ONECUT2: variants seen among roughly 807,000 people sequenced by gnomAD.
ONECUT2 encodes the protein one cut homeobox 2, also known as one cut domain family member 2.
ONECUT2 carries 10 observed loss-of-function variants against 27.9 expected under a neutral mutation model. That is an observed-to-expected ratio of 0.36 (90% CI 0.22 to 0.61). The LOEUF (loss-of-function observed/expected upper bound fraction) is 0.61. Ranked by LOEUF, ONECUT2 falls within the 20% of genes least tolerant of loss-of-function variation. ONECUT2 has a pLI of 0.73. For synonymous variants in ONECUT2, 334 were observed against 315.1 expected (o/e 1.06, Z -0.64); for missense variants, 686 against 721.0 (o/e 0.95, Z 0.56).
intron 1 of ONECUT2, among the ~76,000 whole-genome samples, chr18:57,452,401 G>A (rs1208449805): frequency 2.0e-5 from 3 of 148,026 alleles, no homozygotes; most frequent in African/African-American, 7.9e-5. Flanking sequence ...ATTGCTTGTA[G>A]CTCAACCTGT....
Position 57,478,670 on chromosome 18 carries a change from A to C in ONECUT2, c.*1947A>C, listed in dbSNP as rs2050399235. On this transcript the variant is annotated 3_prime_UTR_variant, in exon 2 of 2. Coordinates refer to ENST00000491143, the MANE Select transcript of ONECUT2 (RefSeq NM_004852.3). ...ATTTGACAACTCACACGGTAATCTT[A>C]AAGCTGAAGATTGTCTTTAATTTGT... is the stretch of plus-strand genomic sequence containing the variant. The C allele has an allele frequency of 6.6e-6, 1 of 152,652 alleles. No individual in the cohort carries two copies. Among genetic ancestry groups the C allele is most frequent in the Non-Finnish European group, 1.5e-5 (1 of 68,038 alleles). 9.5% of individuals were successfully genotyped at this position (152,652 alleles called of 1,614,324 possible). A position where few individuals can be genotyped will look rare whatever the true frequency, so the allele number is the denominator to read the frequency against.
At chr18:57,437,395 C>G (rs1451985704) in intron 1 of ONECUT2, among the ~76,000 whole-genome samples, 1 of 152,238 alleles carries the variant, frequency 6.6e-6, no homozygotes, top group South Asian at 2.1e-4. Context: ...TTTCAATTTT[C>G]CGGGCTGACT....
At chr18:57,469,563 T>C (rs1393343271) in intron 1 of ONECUT2, among the ~76,000 whole-genome samples, 1 of 152,224 alleles carries the variant, frequency 6.6e-6, no homozygotes, top group Non-Finnish European at 1.5e-5. Context: ...CTCTGACACG[T>C]ATGTAAAAAC....
At chr18:57,471,260 G>A (rs566385506) in intron 1 of ONECUT2, among the ~76,000 whole-genome samples, 2 of 152,304 alleles carry the variant, frequency 1.3e-5, no homozygotes, top group African/African-American at 2.4e-5. Context: ...CGGTTAGTCT[G>A]GGTGTCAGAG....
Position 57,476,620 on chromosome 18 carries a change from G to A in ONECUT2, c.1412G>A (p.Ser471Asn), listed in dbSNP as rs1419400673. ...QQLGLELTTV[S>N]NFFMNARRRS... ...CTGGGCCTGGAGCTCACAACCGTCA[G>A]CAACTTCTTCATGAACGCCCGGCGC... The change falls in exon 2 of 2, where the codon AGC becomes AAC. Residue 471 changes from serine (S) to asparagine (N), a missense_variant. Physicochemically the swap from Ser to Asn is conservative, Grantham distance 46 (BLOSUM62 1). This residue lies in a region of ONECUT2 where 77 missense variants were observed against 105.5 expected (regional missense o/e 0.73). Transcript: ENST00000491143. The A allele has an allele frequency of 6.2e-7, 1 of 1,614,200 alleles. No individual in the cohort carries two copies. Among genetic ancestry groups the A allele is most frequent in the African/African-American group, 1.3e-5 (1 of 75,046 alleles).
rs890939590 is a variant in ONECUT2, at chr18:57,481,560, G to A, written c.*4837G>A. On this transcript the variant is annotated 3_prime_UTR_variant, in exon 2 of 2. Transcript: ENST00000491143. ...CTACTAGTGCCAGTAAATTCAAGTT[G>A]AACAGATTTTTAAAATCACTATTAT... is the stretch of plus-strand genomic sequence containing the variant. 1 of 152,074 alleles carries A rather than the reference G, an allele frequency of 6.6e-6. No individual in the cohort carries two copies. Among genetic ancestry groups the A allele is most frequent in the Non-Finnish European group, 1.5e-5 (1 of 68,018 alleles). 9.4% of individuals were successfully genotyped at this position (152,074 alleles called of 1,614,324 possible).
chr18:57,441,493 C>A (rs1266563189), intron 1 of ONECUT2, among the ~76,000 whole-genome samples: 3 of 152,240 alleles, frequency 2.0e-5, no homozygotes, highest in Non-Finnish European at 4.4e-5. Context: ...TCGCGGGGCT[C>A]TCTGCCCTCT....
intron 1 of ONECUT2, among the ~76,000 whole-genome samples, chr18:57,450,761 C>G (rs2144311174): frequency 6.6e-6 from 1 of 152,278 alleles, no homozygotes; most frequent in African/African-American, 2.4e-5. Context: ...TGCATCTAAA[C>G]AGCCATTACT....
At position 57,476,535 on chromosome 18, in the gene ONECUT2, G is replaced by A. The variant is rs766920985; in HGVS notation, c.1327G>A (p.Ala443Thr). The change falls in exon 2 of 2, where the codon GCC (alanine) becomes ACC (threonine). Residue 443 changes from alanine (A) to threonine (T), a missense_variant. By Grantham distance (58) the Ala-to-Thr change is moderately conservative (BLOSUM62 0). This residue lies in a region of ONECUT2 where 77 missense variants were observed against 105.5 expected (regional missense o/e 0.73). Transcript: ENST00000491143. The stretch of plus-strand genomic sequence containing the variant: ...TGACCTCCAACGCCGAACACTCTTC[G>A]CCATCTTCAAGGAGAACAAACGCCC... ...FTDLQRRTLF[A>T]IFKENKRPSK... The A allele has an allele frequency of 2.1e-5, 34 of 1,614,068 alleles. No individual in the cohort carries two copies. Among genetic ancestry groups the A allele is most frequent in the Middle Eastern group, 3.3e-4 (2 of 6,084 alleles).
At chr18:57,460,631 A>G (rs953351557) in intron 1 of ONECUT2, among the ~76,000 whole-genome samples, 1 of 149,792 alleles carries the variant, frequency 6.7e-6, no homozygotes, top group Non-Finnish European at 1.5e-5. Flanking sequence ...TTGAATTTAT[A>G]TATTATTTTG....
intron 1 of ONECUT2, among the ~76,000 whole-genome samples, chr18:57,473,041 G>C (rs1024800021): frequency 6.6e-6 from 1 of 152,208 alleles, no homozygotes; most frequent in Non-Finnish European, 1.5e-5. Context: ...CCAGGGACCT[G>C]AAGTGGCAGT....
At position 57,480,146 on chromosome 18, in the gene ONECUT2, T is replaced by C. The variant is rs2050408453; in HGVS notation, c.*3423T>C. The C allele has an allele frequency of 1.3e-5, 2 of 152,360 alleles. No homozygotes were observed. The highest frequency in any genetic ancestry group is 3.9e-4 in the East Asian group (2 of 5,192). 9.4% of individuals were successfully genotyped at this position (152,360 alleles called of 1,614,324 possible). A position where few individuals can be genotyped will look rare whatever the true frequency, so the allele number is the denominator to read the frequency against. On this transcript the variant is annotated 3_prime_UTR_variant, in exon 2 of 2. Transcript: ENST00000491143. ...CATTCCCCCTATGTGGGTCTCCCTA[T>C]GCAGGAGCTGTGAGAGAATGTGACT... is the stretch of plus-strand genomic sequence containing the variant.
At chr18:57,451,927 G>T (rs748747928) in intron 1 of ONECUT2, among the ~76,000 whole-genome samples, 6 of 152,232 alleles carry the variant, frequency 3.9e-5, no homozygotes, top group Middle Eastern at 3.4e-3. Flanking sequence ...CACAGAAAAG[G>T]CAAGCATGAG....
chr18:57,444,187 C>CATAAAT (rs2050190080), intron 1 of ONECUT2, among the ~76,000 whole-genome samples: 1 of 152,188 alleles, frequency 6.6e-6, no homozygotes, highest in African/African-American at 2.4e-5. Context: ...ATTCCTAGAG[C>CATAAAT]ATAAATACTT....
intron 1 of ONECUT2, among the ~76,000 whole-genome samples, chr18:57,460,690 T>C (rs908283215): frequency 4.1e-5 from 6 of 145,770 alleles, no homozygotes; most frequent in Non-Finnish European, 7.5e-5. Flanking sequence ...TTCAAATCTT[T>C]TTTTTTTTTT....
In ONECUT2 at chr18:57,476,508, A is replaced by G. The variant is rs2050382755; in HGVS notation, c.1300A>G (p.Thr434Ala). The change falls in exon 2 of 2, where the codon ACT becomes GCT. Residue 434 changes from threonine (T) to alanine (A), a missense_variant. By Grantham distance (58) the Thr-to-Ala change is moderately conservative. Around this residue, in one of 4 missense-constraint regions of ONECUT2, gnomAD observed 77 missense variants for 105.5 expected, o/e 0.73. Coordinates refer to ENST00000491143, the MANE Select transcript of ONECUT2 (RefSeq NM_004852.3). The stretch of plus-strand genomic sequence containing the variant: ...CCAGAAGAAGTCCCGCCTGGTGTTC[A>G]CTGACCTCCAACGCCGAACACTCTT... Reference protein sequence around the residue: ...NSQKKSRLVFTDLQRRTLFAI... With the variant: ...NSQKKSRLVFADLQRRTLFAI... 6.2e-7 allele frequency: 1 copy of G among 1,614,132 alleles called. No homozygotes were observed. Among genetic ancestry groups the G allele is most frequent in the South Asian group, 1.1e-5 (1 of 91,090 alleles).
intron 1 of ONECUT2, among the ~76,000 whole-genome samples, chr18:57,475,373 C>T (rs1463960614): frequency 6.6e-6 from 1 of 152,130 alleles, no homozygotes; most frequent in African/African-American, 2.4e-5. Flanking sequence ...GTGATTATAA[C>T]ACACGTTCTC....
rs1346348915 is a variant in ONECUT2 at position 57,436,637 on chromosome 18, G to T, written c.921G>T (p.Val307=). 3 of 1,611,828 alleles carry T rather than the reference G, an allele frequency of 1.9e-6. No individual in the cohort carries two copies. The highest frequency in any genetic ancestry group is 2.7e-5 in the African/African-American group (2 of 74,952). ...HPGHTQSHGP[V]LAPSRERPPS... Reference sequence around the variant, plus strand: ...GCCACACTCAGTCTCACGGGCCGGTGCTGGCACCCAGTCGCGAGCGGCCAC... The same window carrying T: ...GCCACACTCAGTCTCACGGGCCGGTTCTGGCACCCAGTCGCGAGCGGCCAC... Residue 307 remains valine, a synonymous_variant, in exon 1 of 2, where the codon GTG becomes GTT. Transcript: ENST00000491143. This position sits in a 1 kb window ranked among gnomAD's most constrained non-coding sequence, Gnocchi z 5.9.
chr18:57,468,389 G>A (rs180714041), intron 1 of ONECUT2, among the ~76,000 whole-genome samples: 4 of 152,286 alleles, frequency 2.6e-5, no homozygotes, highest in East Asian at 1.9e-4. Flanking sequence ...GGTTGGGGGC[G>A]GAGGGCAGGT....
Sources: allele counts gnomAD v4.1 joint callset (sites outside exome capture counted in the v4.1 genomes callset), GRCh38; gene constraint gnomAD v4.1.1; regional missense constraint gnomAD v4.1.1; non-coding constraint Gnocchi (gnomAD v3.1); transcripts MANE v1.5; gene names NCBI Gene and HGNC (gene_info 2026-07-23, HGNC 2026-07-21).